The following CREB5 variants were observed in gnomAD, a reference collection of about 807,000 sequenced individuals.
The protein encoded by CREB5 is cyclic AMP-responsive element-binding protein 5.
In CREB5, 19 loss-of-function variants were observed where a neutral mutation model predicts 57.1. The ratio of observed to expected loss-of-function variants is 0.33; its 90% CI spans 0.23 to 0.49. The LOEUF is 0.49. Ranked by LOEUF, CREB5 falls within the 20% of genes least tolerant of loss-of-function variation. The pLI is 0.99. For missense variants in CREB5, 579 were observed against 671.6 expected (o/e 0.86, Z 1.52); for synonymous variants, 238 against 238.3 (o/e 1.00, Z 0.01).
chr7:28,657,657 C>A (rs1241340159), intron 5 of CREB5, among the ~76,000 whole-genome samples: 1 of 135,542 alleles, frequency 7.4e-6, no homozygotes, highest in East Asian at 2.4e-4. Context: ...GCAGAGGTTG[C>A]AGTGAGCGGA....
At chr7:28,427,173 T>A (rs1321344717) in intron 1 of CREB5, among the ~76,000 whole-genome samples, 1 of 152,226 alleles carries the variant, frequency 6.6e-6, no homozygotes, top group African/African-American at 2.4e-5. Context: ...GATTTTTCAT[T>A]TTTACATTCT....
At chr7:28,654,374 T>C (rs1562551807) in intron 5 of CREB5, among the ~76,000 whole-genome samples, 3 of 152,238 alleles carry the variant, frequency 2.0e-5, no homozygotes, top group East Asian at 1.9e-4. Flanking sequence ...TTTATGTGCG[T>C]AATACAGTAC....
chr7:28,675,850 T>C (rs1272102500), intron 5 of CREB5, among the ~76,000 whole-genome samples: 1 of 152,088 alleles, frequency 6.6e-6, no homozygotes, highest in Non-Finnish European at 1.5e-5. Context: ...AGACTCTGGG[T>C]TCGCCTATAA....
At chr7:28,381,867 T>C (rs1786973619) in intron 1 of CREB5, among the ~76,000 whole-genome samples, 1 of 152,178 alleles carries the variant, frequency 6.6e-6, no homozygotes, top group African/African-American at 2.4e-5. Context: ...GCAACAGAAC[T>C]GACAGGATAT....
chr7:28,737,762 C>T (rs1804113594), intron 7 of CREB5, among the ~76,000 whole-genome samples: 1 of 151,740 alleles, frequency 6.6e-6, no homozygotes, highest in South Asian at 2.1e-4. Flanking sequence ...TCAGTTCTAG[C>T]ATTCAACTCC....
chr7:28,551,870 TTTTC>T (rs140284726), intron 4 of CREB5, among the ~76,000 whole-genome samples: 5,172 of 122,860 alleles, frequency 0.042, 164 homozygotes, highest in African/African-American at 0.083. Context: ...CTTTCTTTCT[TTTTC>T]TTTCTTTCTT....
chr7:28,411,300 G>A (rs1228693330), upstream of CREB5, among the ~76,000 whole-genome samples: 2 of 152,146 alleles, frequency 1.3e-5, no homozygotes, highest in Non-Finnish European at 2.9e-5. Context: ...GACAAAATCA[G>A]GTTTAGCTGA....
chr7:28,416,801 T>C (rs750798245), intron 1 of CREB5, among the ~76,000 whole-genome samples: 1 of 152,278 alleles, frequency 6.6e-6, no homozygotes, highest in African/African-American at 2.4e-5. Flanking sequence ...CTTCAGGTAG[T>C]GTTTCCCTAG....
chr7:28,669,300 T>C (rs1049836825), intron 5 of CREB5, among the ~76,000 whole-genome samples: 2 of 152,242 alleles, frequency 1.3e-5, no homozygotes. Context: ...ACCAAATAAC[T>C]AGGCAACGTT....
intron 4 of CREB5, among the ~76,000 whole-genome samples, chr7:28,559,260 C>A (rs908003438): frequency 6.6e-6 from 1 of 152,146 alleles, no homozygotes; most frequent in African/African-American, 2.4e-5. Context: ...GCTTGCTGGC[C>A]TCTGCGTGTT....
chr7:28,355,277 G>T (rs1027697971), intron 1 of CREB5, among the ~76,000 whole-genome samples: 1 of 152,178 alleles, frequency 6.6e-6, no homozygotes, highest in Non-Finnish European at 1.5e-5. Flanking sequence ...CTCTGGACAG[G>T]ACAGAGGAGG....
intron 7 of CREB5, among the ~76,000 whole-genome samples, chr7:28,726,147 G>A (rs7808847): frequency 0.082 from 12,518 of 152,134 alleles, 1,638 homozygotes; most frequent in African/African-American, 0.28. Context: ...AATTTACTGA[G>A]TAAGCACACC....
chr7:28,573,854 G>A (rs984810717), intron 5 of CREB5, among the ~76,000 whole-genome samples: 5 of 152,156 alleles, frequency 3.3e-5, no homozygotes, highest in African/African-American at 1.2e-4. Flanking sequence ...AAAATCCAAA[G>A]AAGTAATGTT....
At chr7:28,566,702 A>G (rs1052039477) in intron 4 of CREB5, among the ~76,000 whole-genome samples, 16 of 152,232 alleles carry the variant, frequency 1.1e-4, no homozygotes, top group African/African-American at 3.9e-4. Context: ...TGAAGTGATA[A>G]TGCTTTTGCT....
intron 7 of CREB5, among the ~76,000 whole-genome samples, chr7:28,772,724 AAACT>A (rs1806395143): frequency 6.6e-6 from 1 of 152,350 alleles, no homozygotes; most frequent in African/African-American, 2.4e-5. Context: ...ATTTTTTGAT[AAACT>A]AACTGCTATC....
At chr7:28,732,012 G>A (rs1403456149) in intron 7 of CREB5, among the ~76,000 whole-genome samples, 1 of 152,038 alleles carries the variant, frequency 6.6e-6, no homozygotes, top group African/African-American at 2.4e-5. Flanking sequence ...TGTTTTCTTT[G>A]TGCCTGCATG....
At chr7:28,601,988 T>A (rs1796935643) in intron 5 of CREB5, among the ~76,000 whole-genome samples, 1 of 152,030 alleles carries the variant, frequency 6.6e-6, no homozygotes, top group African/African-American at 2.4e-5. Context: ...ATGAAAGACA[T>A]AAAGTGAATG....
intron 7 of CREB5, among the ~76,000 whole-genome samples, chr7:28,763,810 A>AATT (rs1554297051): frequency 1.3e-5 from 2 of 149,032 alleles, no homozygotes; most frequent in Non-Finnish European, 3.0e-5. Context: ...TATTATTATT[A>AATT]TTTTTTTTTG....
chr7:28,456,745 G>T (rs1400932274), intron 1 of CREB5, among the ~76,000 whole-genome samples: 1 of 152,188 alleles, frequency 6.6e-6, no homozygotes, highest in Non-Finnish European at 1.5e-5. Flanking sequence ...TATGGGTGTT[G>T]TGTCTGCCAT....
Sources: allele counts gnomAD v4.1 joint callset (sites outside exome capture counted in the v4.1 genomes callset), GRCh38; gene constraint gnomAD v4.1.1; transcripts MANE v1.5; gene names NCBI Gene and HGNC (gene_info 2026-07-23, HGNC 2026-07-21).